UGT1A9: variants seen among roughly 807,000 people sequenced by gnomAD.
UGT1A9 encodes the protein UDP glucuronosyltransferase family 1 member A9, also known as UDP-glucuronosyltransferase 1A9.
Under a neutral mutation model 45.0 loss-of-function variants are expected in UGT1A9, and 35 were observed. The ratio of observed to expected loss-of-function variants is 0.78; its 90% CI spans 0.59 to 1.03. The LOEUF (loss-of-function observed/expected upper bound fraction) is 1.03. UGT1A9 is among the 50% of genes least tolerant of loss of function. The pLI is 0.00. For synonymous variants in UGT1A9, 278 were observed against 250.6 expected, an observed-to-expected ratio of 1.11 and a Z score of -1.03; for missense variants, 687 against 666.6, an observed-to-expected ratio of 1.03 and a Z score of -0.34.
Position 233,772,646 on chromosome 2 carries a change from A to G in UGT1A9, c.*87A>G. The G allele has an allele frequency of 6.5e-7, 1 of 1,549,870 alleles. No individual in the cohort carries two copies. ...ACAGAATCAGTGTTAAATTCATTTTATTCTTATTAAGGAAATACTTTGCAT... is the reference window on the plus strand; with the variant it reads ...ACAGAATCAGTGTTAAATTCATTTTGTTCTTATTAAGGAAATACTTTGCAT... On this transcript the variant is annotated 3_prime_UTR_variant, in exon 5 of 5. Transcript: ENST00000354728.
chr2:233,772,227 T>G, intron 4 of UGT1A9, 35 bp from the exon 5 acceptor site: 7 of 1,613,472 alleles, frequency 4.3e-6, no homozygotes, highest in Non-Finnish European at 5.1e-6. Flanking sequence ...ATACCACAGG[T>G]GTTCCAGGCA....
intron 1 of UGT1A9, among the ~76,000 whole-genome samples, chr2:233,731,766 G>A (rs2078201810): frequency 2.0e-5 from 3 of 152,172 alleles, no homozygotes; most frequent in African/African-American, 7.2e-5. Flanking sequence ...TGTCCTTAGA[G>A]TAGTATCATT....
chr2:233,757,196 T>A (rs1166696212), intron 1 of UGT1A9, among the ~76,000 whole-genome samples: 4 of 150,888 alleles, frequency 2.7e-5, no homozygotes, highest in Admixed American at 6.6e-5. Flanking sequence ...CTCTGAATTT[T>A]CTGTGCCCAG....
chr2:233,690,621 C>T, intron 1 of UGT1A9: 2 of 1,289,096 alleles, frequency 1.6e-6, no homozygotes, highest in Middle Eastern at 2.1e-4. Context: ...CCTGGACACT[C>T]AAGTGATACC....
intron 1 of UGT1A9, among the ~76,000 whole-genome samples, chr2:233,716,243 G>A (rs1481828829): frequency 2.0e-5 from 3 of 152,006 alleles, no homozygotes; most frequent in African/African-American, 4.8e-5. Flanking sequence ...TGTCCTGCCC[G>A]GACATCCAGC....
At chr2:233,709,543 G>T (rs1204039913) in intron 1 of UGT1A9, among the ~76,000 whole-genome samples, 2 of 152,024 alleles carry the variant, frequency 1.3e-5, no homozygotes, top group Non-Finnish European at 2.9e-5. Context: ...TGTGATATAT[G>T]TAAGTACTTA....
chr2:233,693,130 G>T, intron 1 of UGT1A9: 1 of 1,614,242 alleles, frequency 6.2e-7, no homozygotes, highest in South Asian at 1.1e-5. Context: ...GGCTTAGTAT[G>T]AAGGATATAG....
intron 1 of UGT1A9, chr2:233,681,919 T>C (rs1198812401): frequency 1.2e-6 from 2 of 1,605,714 alleles, no homozygotes; most frequent in South Asian, 2.2e-5. Context: ...AGCTGCTGGC[T>C]CTGGGCTGAA....
intron 1 of UGT1A9, among the ~76,000 whole-genome samples, chr2:233,748,636 A>G (rs1201080065): frequency 6.6e-6 from 1 of 151,796 alleles, no homozygotes; most frequent in African/African-American, 2.4e-5. Flanking sequence ...CTGTGATTAT[A>G]GAATTACACA....
chr2:233,752,486 G>A (rs1051165548), intron 1 of UGT1A9: 1 of 152,154 alleles, frequency 6.6e-6, no homozygotes, highest in African/African-American at 2.4e-5. Context: ...TTATGTTTTT[G>A]AGATGAGACA....
At chr2:233,763,858 C>A (rs577598991) in intron 1 of UGT1A9, among the ~76,000 whole-genome samples, 1 of 152,130 alleles carries the variant, frequency 6.6e-6, no homozygotes, top group Admixed American at 6.5e-5. Flanking sequence ...GGTTCACAGA[C>A]AATCGCAATG....
intron 1 of UGT1A9, among the ~76,000 whole-genome samples, chr2:233,735,232 C>A (rs1233403714): frequency 6.6e-6 from 1 of 152,064 alleles, no homozygotes; most frequent in Admixed American, 6.5e-5. Context: ...GGATAGTTAG[C>A]TCTTGTTGTT....
intron 1 of UGT1A9, among the ~76,000 whole-genome samples, chr2:233,714,561 T>C (rs938203514): frequency 6.6e-6 from 1 of 152,256 alleles, no homozygotes; most frequent in African/African-American, 2.4e-5. Flanking sequence ...AGAAATATCA[T>C]GTAAACCACA....
At chr2:233,698,825 A>C (rs116279107) in intron 1 of UGT1A9, among the ~76,000 whole-genome samples, 1 of 152,246 alleles carries the variant, frequency 6.6e-6, no homozygotes, top group Non-Finnish European at 1.5e-5. Flanking sequence ...TGGAAGAGTA[A>C]GGCAGGATCA....
chr2:233,713,549 G>A (rs1391054862), intron 1 of UGT1A9: 1 of 1,613,986 alleles, frequency 6.2e-7, no homozygotes. Flanking sequence ...AGGGCACACA[G>A]TGTCCAAACC....
chr2:233,756,509 C>T (rs138449392), intron 1 of UGT1A9, among the ~76,000 whole-genome samples: 7 of 151,986 alleles, frequency 4.6e-5, no homozygotes, highest in African/African-American at 1.7e-4. Context: ...TATGGAGGGT[C>T]AAATGTGCAT....
At chr2:233,718,992 G>T (rs746825567) in intron 1 of UGT1A9, 3 of 1,614,262 alleles carry the variant, frequency 1.9e-6, no homozygotes, top group Non-Finnish European at 2.5e-6. Flanking sequence ...AGGCCACCAG[G>T]CGGTGGTCCT....
intron 1 of UGT1A9, chr2:233,754,842 G>A (rs1695608877): frequency 7.4e-7 from 1 of 1,343,156 alleles, no homozygotes; most frequent in Non-Finnish European, 1.0e-6. Context: ...TTCACTGAAG[G>A]CAGAGAAAAG....
At chr2:233,688,019 T>A (rs2074875206) in intron 1 of UGT1A9, among the ~76,000 whole-genome samples, 1 of 152,220 alleles carries the variant, frequency 6.6e-6, no homozygotes, top group African/African-American at 2.4e-5. Context: ...CAATCAACCA[T>A]CACCAATATC....
Sources: gnomAD v4.1 joint callset for allele counts (sites outside exome capture counted in the v4.1 genomes callset) on GRCh38, gnomAD v4.1.1 for gene constraint, MANE v1.5 for transcripts, NCBI Gene and HGNC (gene_info 2026-07-23, HGNC 2026-07-21) for gene names.